Variants in CACNA1H observed in about 807,000 individuals in gnomAD.
CACNA1H encodes the protein voltage-dependent T-type calcium channel subunit alpha-1H.
CACNA1H carries 149 observed loss-of-function variants against 192.5 expected under a neutral mutation model. That is an observed-to-expected ratio of 0.77 (90% CI 0.68 to 0.89). The LOEUF (loss-of-function observed/expected upper bound fraction) is 0.89, where lower values mean the gene tolerates loss of function less well. Among genes scored for constraint, CACNA1H ranks in the 40% least tolerant of loss-of-function variants. The pLI, the probability that CACNA1H is intolerant of heterozygous loss-of-function variation, is 0.00. For missense variants in CACNA1H, 4,257 were observed against 3,423.5 expected, an observed-to-expected ratio of 1.24 and a Z score of -6.08; for synonymous variants, 2,202 against 1,475.2, an observed-to-expected ratio of 1.49 and a Z score of -11.29.
chr16:1,167,334 G>A lies in CACNA1H; in HGVS notation c.299+13298G>A, dbSNP rs1210801344. ...GGATTCCTGACACACGGGTGCGGGG[G>A]CGATATCGGCGCGGAGCGGGCGGGG... On this transcript the variant is annotated intron_variant, in intron 2 of 34. Transcript: ENST00000348261. This position sits in a 1 kb window ranked among gnomAD's most constrained non-coding sequence, Gnocchi z 4.2. 6.6e-6 allele frequency among the ~76,000 whole-genome samples: 1 copy of A among 152,210 alleles called. No homozygotes were observed. The highest frequency in any genetic ancestry group is 2.4e-5 in the African/African-American group (1 of 41,456).
intron 27 of CACNA1H, 45 bp downstream of exon 27, chr16:1,213,976 C>T: frequency 6.5e-6 from 10 of 1,540,432 alleles, no homozygotes; most frequent in Non-Finnish European, 3.5e-6. Context: ...TGGGGCACCC[C>T]CAGTGGGGCA....
chr16:1,210,894 C>G lies in CACNA1H; in HGVS notation c.4146C>G (p.Ala1382=). The G allele has an allele frequency of 6.2e-7, 1 of 1,605,022 alleles. No individual in the cohort carries two copies. The highest frequency in any genetic ancestry group is 8.5e-7 in the Non-Finnish European group (1 of 1,179,724). The part of the protein sequence containing the change: ...VLVSLVDIVV[A]MASAGGAKIL... Reference sequence around the variant, plus strand: ...TGTCCCTGGTGGACATTGTCGTGGCCATGGCCTCGGCTGGTGGCGCCAAGA... The same window carrying G: ...TGTCCCTGGTGGACATTGTCGTGGCGATGGCCTCGGCTGGTGGCGCCAAGA... The change falls in exon 21 of 35, where the codon GCC becomes GCG. Residue 1382 remains alanine (A), a synonymous_variant. Transcript: ENST00000348261.
chr16:1,154,560 T>C (rs1477732047), intron 2 of CACNA1H, among the ~76,000 whole-genome samples: 1 of 151,988 alleles, frequency 6.6e-6, no homozygotes, highest in Non-Finnish European at 1.5e-5. Context: ...CGCCAGGGCC[T>C]TTTCCGTGGA....
intron 2 of CACNA1H, chr16:1,157,806 C>T (rs1466182313): frequency 6.6e-5 from 10 of 152,356 alleles, no homozygotes; most frequent in Admixed American, 4.6e-4. Context: ...GGGGGTCACT[C>T]AGCAGGGTGG....
At chr16:1,176,082 C>G (rs1964857018) in intron 2 of CACNA1H, among the ~76,000 whole-genome samples, 1 of 152,250 alleles carries the variant, frequency 6.6e-6, no homozygotes, top group Non-Finnish European at 1.5e-5. Flanking sequence ...CTAGCGGGCT[C>G]TGATCTTTAC....
intron 17 of CACNA1H, among the ~76,000 whole-genome samples, chr16:1,209,676 C>T (rs974641812): frequency 6.6e-6 from 1 of 152,230 alleles, no homozygotes; most frequent in Non-Finnish European, 1.5e-5. Context: ...GGCTCTGCGC[C>T]GTGGGTCAGC....
intron 4 of CACNA1H, 151 bp from the exon 5 acceptor site, chr16:1,195,775 C>T (rs1279490914): frequency 1.1e-5 from 9 of 856,890 alleles, no homozygotes; most frequent in Non-Finnish European, 1.7e-5. Context: ...CGTTGTGCTC[C>T]TGCTACCTCG....
chr16:1,173,554 T>C (rs1964576084), intron 2 of CACNA1H, among the ~76,000 whole-genome samples: 1 of 152,224 alleles, frequency 6.6e-6, no homozygotes, highest in Non-Finnish European at 1.5e-5. Flanking sequence ...TGTGTTAACA[T>C]AACACGTCCT....
intron 34 of CACNA1H, 34 bp downstream of exon 34, chr16:1,219,164 G>A: frequency 6.7e-7 from 1 of 1,491,970 alleles, no homozygotes. Context: ...GCAGAGGCTG[G>A]CGGGGATGGG....
At chr16:1,197,726 T>C (rs893960056) in intron 5 of CACNA1H, among the ~76,000 whole-genome samples, 5 of 152,198 alleles carry the variant, frequency 3.3e-5, no homozygotes, top group Non-Finnish European at 7.3e-5. Flanking sequence ...CCTTGTGACC[T>C]GAGGGGCCCG....
In CACNA1H at chr16:1,180,424, C is replaced by T. The variant is rs898988540; in HGVS notation, c.300-14548C>T. 6.6e-6 allele frequency among the ~76,000 whole-genome samples: 1 copy of T among 152,168 alleles called. No individual in the cohort carries two copies. The highest frequency in any genetic ancestry group is 1.9e-4 in the East Asian group (1 of 5,184). On this transcript the variant is annotated intron_variant, in intron 2 of 34. Coordinates refer to ENST00000348261, the MANE Select transcript of CACNA1H (RefSeq NM_021098.3). This position sits in a 1 kb window ranked among gnomAD's most constrained non-coding sequence, Gnocchi z 4.4. ...TCTGAACCCCAGGTCTGTGGAGGCC[C>T]GAGGTCTGAAGGGAAATCCCCAGTG...
In CACNA1H at chr16:1,153,707, C is replaced by T. The variant is rs1961887449; in HGVS notation, c.-18-13C>T. On this transcript the variant is annotated splice_polypyrimidine_tract_variant and intron_variant, in intron 1 of 34. Coordinates refer to ENST00000348261, the MANE Select transcript of CACNA1H (RefSeq NM_021098.3). ...GTCGCCACCGGCCCCGGGTCACCCC[C>T]TGTCCTCTGCAGGTGCTGCCGGCCG... 1 of 1,195,766 alleles carries T rather than the reference C, an allele frequency of 8.4e-7. No individual in the cohort carries two copies. 74.1% of individuals were successfully genotyped at this position (1,195,766 alleles called of 1,614,324 possible).
At position 1,171,474 on chromosome 16, in the gene CACNA1H, C is replaced by T. The variant is rs572665799; in HGVS notation, c.299+17438C>T. Among the ~76,000 whole-genome samples, 59 of 152,332 alleles carry T rather than the reference C, an allele frequency of 3.9e-4. 1 individual carries two copies. Among genetic ancestry groups the T allele is most frequent in the South Asian group, 1.0e-3 (5 of 4,834 alleles). On this transcript the variant is annotated intron_variant, in intron 2 of 34. Coordinates refer to ENST00000348261, the MANE Select transcript of CACNA1H (RefSeq NM_021098.3). ...CACAGAGTCTGCAGAGCCTGGAGCC[C>T]GGAGGAGGCCCGCGGGAAGCTTCTG... is the stretch of plus-strand genomic sequence containing the variant.
At chr16:1,181,854 A>T (rs1224168047) in intron 2 of CACNA1H, among the ~76,000 whole-genome samples, 1 of 151,996 alleles carries the variant, frequency 6.6e-6, no homozygotes, top group African/African-American at 2.4e-5. Flanking sequence ...CACACACATC[A>T]CACACCCACA....
Position 1,202,054 on chromosome 16 carries a change from G to T in CACNA1H, c.1604G>T (p.Ser535Ile). ...CACCACTACCATTTCAGCCATGGCA[G>T]CCCCCGCAGGCCCGGCCCCGAGCCA... is the stretch of plus-strand genomic sequence containing the variant. ...HHHHYHFSHG[S>I]PRRPGPEPGA... is the part of the protein sequence containing the mutation. The change falls in exon 9 of 35, where the codon AGC (serine) becomes ATC (isoleucine). Residue 535 changes from serine (S) to isoleucine (I), a missense_variant. Coordinates refer to ENST00000348261, the MANE Select transcript of CACNA1H (RefSeq NM_021098.3). 1 of 1,537,920 alleles carries T rather than the reference G, an allele frequency of 6.5e-7. No individual in the cohort carries two copies. Among genetic ancestry groups the T allele is most frequent in the South Asian group, 1.2e-5 (1 of 83,886 alleles).
In CACNA1H at chr16:1,211,930, C is replaced by T. The variant is rs759275235; in HGVS notation, c.4567-16C>T. 9.9e-6 allele frequency: 16 copies of T among 1,612,562 alleles called. No individual in the cohort carries two copies. In the East Asian group the frequency reaches 1.1e-4, roughly 11 times the overall value. The stretch of plus-strand genomic sequence containing the variant: ...GCGGGGCAGGCGGGCGGGGACCCAC[C>T]GCCTCTGTGCCACAGCCTGTGCAGA... On this transcript the variant is annotated splice_polypyrimidine_tract_variant and intron_variant, in intron 24 of 34. Transcript: ENST00000348261.
At chr16:1,198,552 C>T in intron 5 of CACNA1H, 63 bp from the exon 6 acceptor site, 21 of 1,578,718 alleles carry the variant, frequency 1.3e-5, no homozygotes, top group Non-Finnish European at 1.7e-5. Context: ...CCGGGAGGGG[C>T]TGCAGCCCCG....
chr16:1,171,973 T>G (rs1964411745), intron 2 of CACNA1H, among the ~76,000 whole-genome samples: 3 of 152,210 alleles, frequency 2.0e-5, no homozygotes, highest in Admixed American at 2.0e-4. Flanking sequence ...GGGGTCCAAG[T>G]GCGGCATGGG....
Position 1,208,053 on chromosome 16 carries a change from C to A in CACNA1H, c.3195C>A (p.His1065Gln). 2.5e-6 allele frequency: 4 copies of A among 1,607,364 alleles called. No homozygotes were observed. The South Asian group carries it at 3.3e-5, about 13-fold the overall frequency. The change falls in exon 16 of 35, where the codon CAC becomes CAA. Residue 1065 changes from histidine to glutamine, a missense_variant. Transcript: ENST00000348261. Reference sequence around the variant, plus strand: ...CCCTGGCCGTGACCCCCAACGGGCACCTGGAGGGACGAGGCAGCCTGTCCC... The same window carrying A: ...CCCTGGCCGTGACCCCCAACGGGCAACTGGAGGGACGAGGCAGCCTGTCCC... Reference protein sequence around the residue: ...MCSLAVTPNGHLEGRGSLSPP... With the variant: ...MCSLAVTPNGQLEGRGSLSPP...
Sources: gnomAD v4.1 joint callset for allele counts (sites outside exome capture counted in the v4.1 genomes callset) on GRCh38, gnomAD v4.1.1 for gene constraint, Gnocchi (gnomAD v3.1) non-coding constraint, MANE v1.5 for transcripts, NCBI Gene and HGNC (gene_info 2026-07-23, HGNC 2026-07-21) for gene names.